The following POLN variants were observed in gnomAD, a reference collection of about 807,000 sequenced individuals.
The protein encoded by POLN is DNA polymerase N.
A neutral mutation model predicts 113.5 loss-of-function variants in POLN; 108 were observed. The observed-to-expected ratio is 0.95, with a 90% confidence interval of 0.81 to 1.12. The LOEUF (loss-of-function observed/expected upper bound fraction) is 1.12. POLN is among the 50% of genes most tolerant of loss of function. The pLI, the probability that POLN is intolerant of heterozygous loss-of-function variation, is 0.00. For missense variants in POLN, 1,097 were observed against 1,077.1 expected, an observed-to-expected ratio of 1.02 and a Z score of -0.26; for synonymous variants, 386 against 391.5, an observed-to-expected ratio of 0.99 and a Z score of 0.17.
chr4:2,193,665 G>A (rs760465659), intron 6 of POLN, among the ~76,000 whole-genome samples: 2 of 152,142 alleles, frequency 1.3e-5, no homozygotes, highest in Non-Finnish European at 2.9e-5. Flanking sequence ...TTCTCCCAGA[G>A]CTCCCCTCAA....
chr4:2,072,213 TG>T lies in POLN; in HGVS notation c.2603del (p.Pro868HisfsTer90). 1 of 1,607,644 alleles carries T rather than the reference TG, an allele frequency of 6.2e-7. No homozygotes were observed. Among genetic ancestry groups the T allele is most frequent in the Non-Finnish European group, 8.5e-7 (1 of 1,176,464 alleles). Reference protein sequence around the residue: ...LQEAWGPPPGPCRTESPSNSL... With the variant: ...LQEAWGPPPGXCRTESPSNSL... ...TGTTGCTGGGAGACTCAGTGCGACA[TG>T]GGCCTGGCGGAGGGCCCCAGGCCTC... On this transcript the variant is annotated frameshift_variant, in exon 26 of 26. Transcript: ENST00000511885. LOFTEE classifies it low-confidence loss of function (END_TRUNC).
At chr4:2,080,634 C>G in intron 23 of POLN, 1 of 1,262,734 alleles carries the variant, frequency 7.9e-7, no homozygotes, top group Admixed American at 3.4e-5. Context: ...GCTCAAGGGG[C>G]TGAGGGGTTC....
At chr4:2,218,929 G>A (rs1232554923) in intron 3 of POLN, among the ~76,000 whole-genome samples, 1 of 152,194 alleles carries the variant, frequency 6.6e-6, no homozygotes, top group African/African-American at 2.4e-5. Context: ...GGACCACCCT[G>A]TGCCCTGAAT....
At chr4:2,153,055 C>T (rs1732332586) in intron 16 of POLN, among the ~76,000 whole-genome samples, 1 of 152,190 alleles carries the variant, frequency 6.6e-6, no homozygotes, top group South Asian at 2.1e-4. Flanking sequence ...TGCAGCTTTA[C>T]TTTTAGAGGG....
At chr4:2,136,180 A>G (rs1397277183) in intron 16 of POLN, among the ~76,000 whole-genome samples, 1 of 152,240 alleles carries the variant, frequency 6.6e-6, no homozygotes, top group Non-Finnish European at 1.5e-5. Context: ...GAGAGCACAC[A>G]GTAACGCAAT....
At chr4:2,230,466 T>C (rs190934118) in intron 2 of POLN, 1 of 151,812 alleles carries the variant, frequency 6.6e-6, no homozygotes, top group Non-Finnish European at 1.5e-5. Flanking sequence ...GAAAAAAACA[T>C]ATACAACAAA....
In POLN at chr4:2,193,929, T is replaced by A. The variant is rs11941408; in HGVS notation, c.909-613A>T. Among the ~76,000 whole-genome samples, 593 of 152,320 alleles carry A rather than the reference T, an allele frequency of 3.9e-3. 3 individuals carry two copies. Among genetic ancestry groups the A allele is most frequent in the African/African-American group, 0.014 (565 of 41,560 alleles). ...TACAGTGGGAAGTACACTTGCTGTA[T>A]TATAATGTGCCTTGAACGTTTGTCT... On this transcript the variant is annotated intron_variant, in intron 6 of 25. Transcript: ENST00000511885.
At chr4:2,239,128 T>C in intron 2 of POLN, 1 of 678,406 alleles carries the variant, frequency 1.5e-6, no homozygotes, top group Non-Finnish European at 2.3e-6. Flanking sequence ...CCACTTTAGG[T>C]GACCAGATAA....
At chr4:2,072,940 G>T in intron 25 of POLN, 28 bp downstream of exon 25, 1 of 1,610,946 alleles carries the variant, frequency 6.2e-7, no homozygotes, top group South Asian at 1.1e-5. Flanking sequence ...GGCTCCGGAA[G>T]ACCGGGCAGG....
Position 2,081,660 on chromosome 4 carries a change from G to T in POLN, c.2281C>A (p.Arg761=). The change falls in exon 22 of 26, where the codon CGA becomes AGA. Residue 761 remains arginine (R), a synonymous_variant. Coordinates refer to ENST00000511885, the MANE Select transcript of POLN (RefSeq NM_181808.4). The part of the protein sequence containing the change: ...HDQQLRAQAE[R]QAVNFVVQGS... ...TGCACCACGAAGTTCACTGCCTGTC[G>T]CTCTGCTTGTGCCCGGAGTTGCTGG... 1 of 1,614,214 alleles carries T rather than the reference G, an allele frequency of 6.2e-7. No homozygotes were observed. The highest frequency in any genetic ancestry group is 8.5e-7 in the Non-Finnish European group (1 of 1,180,040).
At chr4:2,232,264 C>G (rs755278290) in intron 2 of POLN, 1 of 534,198 alleles carries the variant, frequency 1.9e-6, no homozygotes, top group Non-Finnish European at 3.2e-6. Context: ...GACTTAATAA[C>G]TTCCCGCAAT....
intron 19 of POLN, among the ~76,000 whole-genome samples, chr4:2,102,208 G>T (rs1254466778): frequency 6.6e-6 from 1 of 152,110 alleles, no homozygotes; most frequent in Admixed American, 6.5e-5. Flanking sequence ...TAACACTGGG[G>T]GTCCAGCACA....
rs1327468980 is a variant in POLN at position 2,113,071 on chromosome 4, T to C, written c.1982+15042A>G. On this transcript the variant is annotated intron_variant, in intron 19 of 25. Transcript: ENST00000511885. ...CTATGCAGCCGTAAAAAATGATGAG[T>C]TCATGTCCTTTGTAGGGACATGGAT... is the stretch of plus-strand genomic sequence containing the variant. 4.6e-4 allele frequency among the ~76,000 whole-genome samples: 69 copies of C among 151,410 alleles called. 1 individual carries two copies. The highest frequency in any genetic ancestry group is 2.7e-4 in the Non-Finnish European group (18 of 67,890).
At chr4:2,157,204 G>C (rs1438784642) in intron 15 of POLN, among the ~76,000 whole-genome samples, 1 of 152,198 alleles carries the variant, frequency 6.6e-6, no homozygotes, top group East Asian at 1.9e-4. Context: ...GTCACTTGCT[G>C]TGTGAACTTG....
At chr4:2,201,276 CCAA>C in intron 5 of POLN, among the ~76,000 whole-genome samples, 1 of 684 alleles carries the variant, frequency 1.5e-3, no homozygotes, top group African/African-American at 0.038. Context: ...CCCTACCACT[CCAA>C]AAAAAAAAAA....
chr4:2,238,855 A>G (rs1325522748), intron 2 of POLN: 4 of 1,613,152 alleles, frequency 2.5e-6, no homozygotes, highest in South Asian at 2.2e-5. Context: ...GTCTTGCTGT[A>G]TAATAATCTT....
intron 7 of POLN, 91 bp downstream of exon 7, chr4:2,193,113 T>C (rs1733491128): frequency 1.0e-6 from 1 of 961,908 alleles, no homozygotes; most frequent in Non-Finnish European, 1.6e-6. Flanking sequence ...CCAGGAGTTG[T>C]GTGACATGGC....
intron 3 of POLN, among the ~76,000 whole-genome samples, chr4:2,224,068 G>A (rs1055487050): frequency 1.3e-5 from 2 of 151,952 alleles, no homozygotes; most frequent in Non-Finnish European, 2.9e-5. Context: ...TTTACCTTAA[G>A]ACAAAAACAC....
chr4:2,211,467 T>C (rs757381393), intron 4 of POLN, among the ~76,000 whole-genome samples: 13 of 152,198 alleles, frequency 8.5e-5, no homozygotes, highest in Admixed American at 2.6e-4. Flanking sequence ...CTTTAAAATA[T>C]GTCAGGCAGT....
Sources: gnomAD v4.1 joint callset for allele counts (sites outside exome capture counted in the v4.1 genomes callset) on GRCh38, gnomAD v4.1.1 for gene constraint, MANE v1.5 for transcripts, NCBI Gene and HGNC (gene_info 2026-07-23, HGNC 2026-07-21) for gene names.